Variants in RBFOX1 observed in about 807,000 individuals in gnomAD.
RBFOX1 encodes the protein RNA binding protein fox-1 homolog 1.
RBFOX1 carries 8 observed loss-of-function variants against 57.7 expected under a neutral mutation model. That is an observed-to-expected ratio of 0.14 (90% confidence interval 0.08 to 0.25). The LOEUF (loss-of-function observed/expected upper bound fraction) is 0.25. RBFOX1 is among the 10% of genes least tolerant of loss of function. The probability of loss-of-function intolerance (pLI) is 1.00; values close to 1 mark genes in which losing one functional copy is unlikely to be tolerated. For missense variants in RBFOX1, 611 were observed against 548.5 expected (o/e 1.11, Z -1.14); for synonymous variants, 326 against 222.4 (o/e 1.47, Z -4.15).
chr16:5,345,307 G>T (rs1251721999), intron 1 of RBFOX1, among the ~76,000 whole-genome samples: 1 of 152,194 alleles, frequency 6.6e-6, no homozygotes, highest in Non-Finnish European at 1.5e-5. Context: ...TTGGGAAACA[G>T]GTGCCATGCC....
intron 3 of RBFOX1, among the ~76,000 whole-genome samples, chr16:5,750,630 A>G (rs1039132856): frequency 5.3e-5 from 8 of 152,260 alleles, no homozygotes; most frequent in African/African-American, 1.4e-4. Context: ...TGTGCTAGCA[A>G]TGAGTGAGGC....
At chr16:7,150,293 A>T (rs1411359977) in intron 4 of RBFOX1, among the ~76,000 whole-genome samples, 1 of 152,182 alleles carries the variant, frequency 6.6e-6, no homozygotes, top group Non-Finnish European at 1.5e-5. Context: ...TGTGTCTCTT[A>T]ATTCTTTATG....
At chr16:6,607,260 G>A (rs1456233513) in intron 2 of RBFOX1, among the ~76,000 whole-genome samples, 2 of 152,154 alleles carry the variant, frequency 1.3e-5, no homozygotes, top group Non-Finnish European at 2.9e-5. Context: ...ACAATTCATT[G>A]TGGTTATTAG....
chr16:6,209,544 T>C (rs2097278781), intron 1 of RBFOX1, among the ~76,000 whole-genome samples: 1 of 152,184 alleles, frequency 6.6e-6, no homozygotes, highest in Non-Finnish European at 1.5e-5. Context: ...AAGTCAAACA[T>C]AATTAAGCAG....
At chr16:5,858,571 C>T (rs1373824843) in intron 3 of RBFOX1, among the ~76,000 whole-genome samples, 1 of 152,154 alleles carries the variant, frequency 6.6e-6, no homozygotes, top group African/African-American at 2.4e-5. Context: ...AGGCAGTTGC[C>T]GAGCACCATA....
At chr16:6,089,620 T>C (rs1045045138) in intron 1 of RBFOX1, among the ~76,000 whole-genome samples, 18 of 152,194 alleles carry the variant, frequency 1.2e-4, no homozygotes, top group Non-Finnish European at 2.1e-4. Flanking sequence ...GCGGGTCTTT[T>C]GTGTTATCAG....
Position 7,597,034 on chromosome 16 carries a change from A to T in RBFOX1, c.562-337A>T, listed in dbSNP as rs576126919. ...ATGAATTTTATTTTATGTTTAAAAA[A>T]TATTTCTTGTTTCTGTGTTACCATG... On this transcript the variant is annotated intron_variant, in intron 8 of 15. Transcript: ENST00000550418. Among the ~76,000 whole-genome samples the T allele has an allele frequency of 3.3e-5, 5 of 152,286 alleles. No homozygotes were observed. The East Asian group carries it at 7.7e-4, about 23-fold the overall frequency.
intron 4 of RBFOX1, among the ~76,000 whole-genome samples, chr16:7,325,871 G>A (rs776301627): frequency 6.6e-6 from 1 of 152,166 alleles, no homozygotes; most frequent in Non-Finnish European, 1.5e-5. Context: ...TGCGGTCCAT[G>A]CTAGGTAATG....
chr16:6,206,018 G>T (rs536134856), intron 1 of RBFOX1, among the ~76,000 whole-genome samples: 1 of 152,032 alleles, frequency 6.6e-6, no homozygotes, highest in South Asian at 2.1e-4. Context: ...AGAACATAGA[G>T]ATAGCCAGCC....
At chr16:6,404,575 A>T (rs778005920) in intron 2 of RBFOX1, among the ~76,000 whole-genome samples, 2 of 152,014 alleles carry the variant, frequency 1.3e-5, no homozygotes, top group African/African-American at 4.8e-5. Context: ...TTAGTTTTTG[A>T]TCCTTTTTCT....
chr16:5,666,788 G>A (rs974892447), intron 3 of RBFOX1, among the ~76,000 whole-genome samples: 1 of 152,230 alleles, frequency 6.6e-6, no homozygotes, highest in African/African-American at 2.4e-5. Flanking sequence ...GTTATGTGAA[G>A]ACATCAGGGT....
At chr16:5,400,281 T>A (rs1454365104) in intron 1 of RBFOX1, among the ~76,000 whole-genome samples, 1 of 151,990 alleles carries the variant, frequency 6.6e-6, no homozygotes, top group Middle Eastern at 3.4e-3. Context: ...TCAGTAGAGA[T>A]GGGATTTCAG....
chr16:5,896,430 C>A (rs956019348), intron 4 of RBFOX1, among the ~76,000 whole-genome samples: 1 of 151,604 alleles, frequency 6.6e-6, no homozygotes, highest in Non-Finnish European at 1.5e-5. Context: ...AACCTGGCAC[C>A]TCCCTGCGCT....
chr16:5,337,574 T>C (rs2064928610), intron 1 of RBFOX1, among the ~76,000 whole-genome samples: 1 of 152,208 alleles, frequency 6.6e-6, no homozygotes, highest in South Asian at 2.1e-4. Flanking sequence ...ATAAAATAAA[T>C]GCTCATAAAT....
intron 6 of RBFOX1, among the ~76,000 whole-genome samples, chr16:7,581,014 A>G (rs1410871761): frequency 6.6e-6 from 1 of 152,200 alleles, no homozygotes; most frequent in Non-Finnish European, 1.5e-5. Context: ...TGGTGTCTCC[A>G]TATAAAATGG....
intron 3 of RBFOX1, among the ~76,000 whole-genome samples, chr16:6,999,019 C>T (rs956667744): frequency 6.6e-6 from 1 of 151,512 alleles, no homozygotes; most frequent in Non-Finnish European, 1.5e-5. Context: ...CAAGCATCCA[C>T]TACCATGCCT....
rs150596958 is a variant in RBFOX1 at position 6,652,216 on chromosome 16, C to T, written c.-63-2387C>T. ...CTGTAATCCCAGCACTTTGGGAGGGCGAGGCGGGCAGATCACTAGGTCAAG... is the reference window on the plus strand; with the variant it reads ...CTGTAATCCCAGCACTTTGGGAGGGTGAGGCGGGCAGATCACTAGGTCAAG... On this transcript the variant is annotated intron_variant, in intron 2 of 15. Transcript: ENST00000550418. Among the ~76,000 whole-genome samples, 737 of 152,152 alleles carry T rather than the reference C, an allele frequency of 4.8e-3. 9 individuals are homozygous for T. Among genetic ancestry groups the T allele is most frequent in the African/African-American group, 0.016 (666 of 41,514 alleles).
At chr16:6,410,194 G>GTGTA (rs1029089821) in intron 2 of RBFOX1, among the ~76,000 whole-genome samples, 1 of 151,078 alleles carries the variant, frequency 6.6e-6, no homozygotes. Flanking sequence ...GTGTGTGTGT[G>GTGTA]TGTGTGTGTG....
At chr16:7,501,914 A>G (rs1280975696) in intron 4 of RBFOX1, among the ~76,000 whole-genome samples, 6 of 152,106 alleles carry the variant, frequency 3.9e-5, no homozygotes, top group African/African-American at 1.4e-4. Context: ...CTTATTCACC[A>G]CTGTAGCCCC....
Sources: allele counts gnomAD v4.1 joint callset (sites outside exome capture counted in the v4.1 genomes callset), GRCh38; gene constraint gnomAD v4.1.1; transcripts MANE v1.5; gene names NCBI Gene and HGNC (gene_info 2026-07-23, HGNC 2026-07-21).